The following DPP6 variants were observed in gnomAD, a reference collection of about 807,000 sequenced individuals.
The protein encoded by DPP6 is A-type potassium channel modulatory protein DPP6.
A neutral mutation model predicts 122.6 loss-of-function variants in DPP6; 69 were observed. That is an observed-to-expected ratio of 0.56 (90% CI 0.46 to 0.69). The LOEUF (loss-of-function observed/expected upper bound fraction) is 0.69, where lower values mean the gene tolerates loss of function less well. Among genes scored for constraint, DPP6 ranks in the 30% least tolerant of loss-of-function variants. The pLI, the probability that DPP6 is intolerant of heterozygous loss-of-function variation, is 0.00. For synonymous variants in DPP6, 418 were observed against 433.1 expected (o/e 0.97, Z 0.43); for missense variants, 928 against 1,116.9 (o/e 0.83, Z 2.41).
chr7:154,539,530 T>C (rs1828542154), intron 3 of DPP6, among the ~76,000 whole-genome samples: 1 of 151,764 alleles, frequency 6.6e-6, no homozygotes, highest in Non-Finnish European at 1.5e-5. Context: ...ATACCTAATG[T>C]AAATGATGAG....
At chr7:153,749,346 G>T in the DPP6 span, among the ~76,000 whole-genome samples, 1 of 152,120 alleles carries the variant, frequency 6.6e-6, no homozygotes, top group Non-Finnish European at 1.5e-5. This position sits in a 1 kb window ranked among gnomAD's most constrained non-coding sequence, Gnocchi z 4.1. Context: ...CGGGAGAAGA[G>T]GTCGGCGTTG....
At chr7:154,675,322 G>T (rs571899742) in intron 7 of DPP6, among the ~76,000 whole-genome samples, 1 of 151,990 alleles carries the variant, frequency 6.6e-6, no homozygotes, top group African/African-American at 2.4e-5. Context: ...AAACCTACAC[G>T]TTGTGAACAT....
the DPP6 span, among the ~76,000 whole-genome samples, chr7:153,872,656 C>T: frequency 6.6e-6 from 1 of 152,070 alleles, no homozygotes; most frequent in Non-Finnish European, 1.5e-5. Flanking sequence ...GCATGATGAG[C>T]GACAAGGTGC....
intron 1 of DPP6, among the ~76,000 whole-genome samples, chr7:154,309,790 C>A (rs972312416): frequency 2.6e-5 from 4 of 152,060 alleles, no homozygotes; most frequent in Non-Finnish European, 4.4e-5. Context: ...TGAGGAGTCC[C>A]AATAGGGAAG....
At chr7:154,262,356 A>G (rs1803084093) in intron 1 of DPP6, among the ~76,000 whole-genome samples, 1 of 152,152 alleles carries the variant, frequency 6.6e-6, no homozygotes, top group East Asian at 1.9e-4. Flanking sequence ...ATAGAGGTGG[A>G]ACTTACTCTA....
chr7:154,165,737 T>G (rs1049280492), intron 1 of DPP6, among the ~76,000 whole-genome samples: 1 of 152,204 alleles, frequency 6.6e-6, no homozygotes, highest in African/African-American at 2.4e-5. Context: ...TGGTTTTGAT[T>G]TGCATTTCTC....
chr7:154,215,829 A>G (rs1171114623), intron 1 of DPP6, among the ~76,000 whole-genome samples: 1 of 152,124 alleles, frequency 6.6e-6, no homozygotes, highest in East Asian at 1.9e-4. Context: ...TCTTTGATTT[A>G]TTAAGTCTCT....
At chr7:154,762,572 G>A (rs1025504885) in intron 8 of DPP6, among the ~76,000 whole-genome samples, 1 of 152,224 alleles carries the variant, frequency 6.6e-6, no homozygotes, top group Non-Finnish European at 1.5e-5. Flanking sequence ...CATTGGACCC[G>A]ATGGCCTTGC....
chr7:153,934,276 C>T (rs1405669844), intron 1 of DPP6, among the ~76,000 whole-genome samples: 1 of 152,104 alleles, frequency 6.6e-6, no homozygotes. Flanking sequence ...TGGGAGGCCT[C>T]CCTGTGGCCA....
chr7:154,346,860 G>A (rs1439429349), intron 1 of DPP6, among the ~76,000 whole-genome samples: 2 of 152,166 alleles, frequency 1.3e-5, no homozygotes, highest in Non-Finnish European at 2.9e-5. Context: ...TGACTCTGGA[G>A]TTTCAAGTAA....
chr7:154,835,221 C>T (rs877416), intron 16 of DPP6, among the ~76,000 whole-genome samples: 8,505 of 152,110 alleles, frequency 0.056, 784 homozygotes, highest in African/African-American at 0.19. Flanking sequence ...GAGGGGTGGC[C>T]TTCCAAGAAG....
intron 3 of DPP6, among the ~76,000 whole-genome samples, chr7:154,519,231 A>G (rs1461017918): frequency 6.6e-6 from 1 of 152,236 alleles, no homozygotes; most frequent in Non-Finnish European, 1.5e-5. Context: ...GTGAATGTAT[A>G]CTAATGATGC....
chr7:153,870,321 C>G, the DPP6 span, among the ~76,000 whole-genome samples: 1 of 152,186 alleles, frequency 6.6e-6, no homozygotes, highest in African/African-American at 2.4e-5. Flanking sequence ...TTCACATAGT[C>G]CCATATTTCT....
chr7:154,751,725 G>A (rs568238055), intron 8 of DPP6, among the ~76,000 whole-genome samples: 2 of 152,246 alleles, frequency 1.3e-5, no homozygotes, highest in South Asian at 2.1e-4. Flanking sequence ...GAACATCGAC[G>A]CGGGCCCATG....
chr7:153,791,738 C>T, the DPP6 span, among the ~76,000 whole-genome samples: 2 of 152,136 alleles, frequency 1.3e-5, no homozygotes, highest in South Asian at 4.1e-4. Flanking sequence ...ATTTTCAATG[C>T]TATATATAAT....
chr7:154,883,534 TCA>T (rs1319085895), intron 21 of DPP6: 5 of 89,264 alleles, frequency 5.6e-5, no homozygotes, highest in African/African-American at 2.3e-4. Context: ...TCACACACGC[TCA>T]CACATTCACA....
intron 1 of DPP6, among the ~76,000 whole-genome samples, chr7:154,015,519 G>C (rs1191072889): frequency 6.6e-6 from 1 of 152,054 alleles, no homozygotes; most frequent in Non-Finnish European, 1.5e-5. Flanking sequence ...CTTACATGTG[G>C]CCAGAAGAGA....
intron 1 of DPP6, among the ~76,000 whole-genome samples, chr7:154,118,952 C>G (rs10252171): frequency 6.6e-6 from 1 of 150,376 alleles, no homozygotes; most frequent in Non-Finnish European, 1.5e-5. Context: ...AAAAGCTGAC[C>G]GACTGGTTGG....
chr7:154,572,304 A>G (rs1046768059), intron 5 of DPP6, among the ~76,000 whole-genome samples: 2 of 152,094 alleles, frequency 1.3e-5, no homozygotes, highest in African/African-American at 4.8e-5. Context: ...AACCCCAACT[A>G]TATCCCAGAA....
Sources: allele counts gnomAD v4.1 joint callset (sites outside exome capture counted in the v4.1 genomes callset), GRCh38; gene constraint gnomAD v4.1.1; non-coding constraint Gnocchi (gnomAD v3.1); transcripts MANE v1.5; gene names NCBI Gene and HGNC (gene_info 2026-07-23, HGNC 2026-07-21).